DPP6: variants seen among roughly 807,000 people sequenced by gnomAD.
DPP6 encodes dipeptidyl peptidase like 6.
In DPP6, 69 loss-of-function variants were observed where a neutral mutation model predicts 122.6. The ratio of observed to expected loss-of-function variants is 0.56; its 90% confidence interval spans 0.46 to 0.69. The LOEUF (loss-of-function observed/expected upper bound fraction) is 0.69. DPP6 is among the 30% of genes least tolerant of loss of function. The pLI is 0.00. For synonymous variants in DPP6, 418 were observed against 433.1 expected (o/e 0.97, Z 0.43); for missense variants, 928 against 1,116.9 (o/e 0.83, Z 2.41).
intron 21 of DPP6, among the ~76,000 whole-genome samples, chr7:154,881,403 G>A (rs1805377484): frequency 6.6e-6 from 1 of 152,228 alleles, no homozygotes; most frequent in Non-Finnish European, 1.5e-5. Flanking sequence ...GGTGGCCCTT[G>A]TCAGAAGGCT....
intron 3 of DPP6, among the ~76,000 whole-genome samples, chr7:154,497,883 G>A (rs1428076940): frequency 1.3e-5 from 2 of 151,970 alleles, no homozygotes; most frequent in African/African-American, 4.8e-5. Flanking sequence ...CTGACAACTG[G>A]ACTTACCTGT....
At chr7:154,842,347 A>G (rs1049682129) in intron 16 of DPP6, among the ~76,000 whole-genome samples, 1 of 152,246 alleles carries the variant, frequency 6.6e-6, no homozygotes, top group African/African-American at 2.4e-5. Flanking sequence ...AAGGGAGACA[A>G]GCCCTGTCTT....
chr7:154,856,700 G>A (rs1802861555), intron 17 of DPP6, among the ~76,000 whole-genome samples: 1 of 152,154 alleles, frequency 6.6e-6, no homozygotes, highest in South Asian at 2.1e-4. Flanking sequence ...CAGACCATAG[G>A]CCCTAGGTTG....
At chr7:154,514,269 C>G (rs10248495) in intron 3 of DPP6, among the ~76,000 whole-genome samples, 25,232 of 151,844 alleles carry the variant, frequency 0.17, 2,215 homozygotes, top group Non-Finnish European at 0.19. Flanking sequence ...GAGCAAGACT[C>G]CCTCTCAAAA....
intron 5 of DPP6, among the ~76,000 whole-genome samples, chr7:154,621,183 G>T (rs1288194039): frequency 6.6e-6 from 1 of 152,014 alleles, no homozygotes; most frequent in African/African-American, 2.4e-5. Flanking sequence ...TTATTTGATG[G>T]TTTTAGCTTC....
intron 2 of DPP6, among the ~76,000 whole-genome samples, chr7:154,448,167 G>A (rs549606140): frequency 2.0e-5 from 3 of 152,260 alleles, no homozygotes; most frequent in Non-Finnish European, 2.9e-5. Flanking sequence ...ACATAATGTT[G>A]TATATAGAAA....
At chr7:154,806,909 G>A in intron 15 of DPP6, 85 bp from the exon 16 acceptor site, 1 of 1,554,318 alleles carries the variant, frequency 6.4e-7, no homozygotes. Context: ...CACCCTCATG[G>A]GGAGAGCCCA....
intron 21 of DPP6, chr7:154,883,951 G>GGAC (rs1554495823): frequency 7.2e-5 from 9 of 124,208 alleles, no homozygotes; most frequent in Non-Finnish European, 1.6e-4. Flanking sequence ...CATACACGCT[G>GGAC]ACACATGCTC....
At chr7:153,749,725 C>T in the DPP6 span, among the ~76,000 whole-genome samples, 3 of 152,282 alleles carry the variant, frequency 2.0e-5, no homozygotes, top group African/African-American at 7.2e-5. The surrounding 1 kb of genome is among the most constrained non-coding windows in gnomAD (Gnocchi z 4.1). Flanking sequence ...ATGCTCAATA[C>T]GCCTCACCTG....
intron 8 of DPP6, among the ~76,000 whole-genome samples, chr7:154,738,240 C>G (rs1250021471): frequency 2.6e-5 from 4 of 151,886 alleles, no homozygotes; most frequent in East Asian, 1.9e-4. Flanking sequence ...ATCTCCAGGG[C>G]CCCCCCAGCA....
the DPP6 span, among the ~76,000 whole-genome samples, chr7:153,808,315 CTG>C: frequency 2.1e-5 from 3 of 142,584 alleles, no homozygotes; most frequent in South Asian, 2.4e-4. Context: ...ACATGTGTGC[CTG>C]TGTGTGTCTG....
chr7:154,239,673 A>G (rs1705184237), intron 1 of DPP6, among the ~76,000 whole-genome samples: 1 of 152,118 alleles, frequency 6.6e-6, no homozygotes, highest in African/African-American at 2.4e-5. Flanking sequence ...TGGTGAATCA[A>G]AAGTTACACA....
At chr7:154,236,558 T>C (rs1320545762) in intron 1 of DPP6, among the ~76,000 whole-genome samples, 1 of 152,164 alleles carries the variant, frequency 6.6e-6, no homozygotes, top group East Asian at 1.9e-4. Context: ...TCAGTGTAAT[T>C]GTACTTCTAG....
chr7:154,650,518 T>C (rs541454963), intron 6 of DPP6, among the ~76,000 whole-genome samples: 2 of 152,136 alleles, frequency 1.3e-5, no homozygotes, highest in East Asian at 1.9e-4. Context: ...TAAAAGAAGA[T>C]AAGCCATGGT....
intron 11 of DPP6, 61 bp from the exon 12 acceptor site, chr7:154,795,784 C>CAAAAAAA: frequency 6.0e-6 from 7 of 1,176,224 alleles, no homozygotes; most frequent in East Asian, 3.2e-5. Flanking sequence ...ACAATACATG[C>CAAAAAAA]AAAAAAAAAA....
At chr7:154,389,008 G>A (rs1018147405) in intron 1 of DPP6, among the ~76,000 whole-genome samples, 2 of 152,008 alleles carry the variant, frequency 1.3e-5, no homozygotes, top group Non-Finnish European at 2.9e-5. Context: ...TTTTTCTTTC[G>A]AGCAGTAGAC....
chr7:154,434,025 A>G (rs753170461), intron 1 of DPP6, among the ~76,000 whole-genome samples: 1 of 152,240 alleles, frequency 6.6e-6, no homozygotes, highest in Non-Finnish European at 1.5e-5. Context: ...CATTTTACCT[A>G]TAAGAACAAT....
At position 154,863,683 on chromosome 7, in the gene DPP6, T is replaced by C. The variant is rs918576030; in HGVS notation, c.1715-4312T>C. 2.0e-4 allele frequency among the ~76,000 whole-genome samples: 30 copies of C among 151,724 alleles called. 1 individual carries two copies. The highest frequency in any genetic ancestry group is 2.0e-4 in the Admixed American group (3 of 15,254). Reference sequence around the variant, plus strand: ...TACAAAATTTAGCCGGGCATGGTGGTGTATGCCTGTAGTCCCAGCTGCTCA... The same window carrying C: ...TACAAAATTTAGCCGGGCATGGTGGCGTATGCCTGTAGTCCCAGCTGCTCA... On this transcript the variant is annotated intron_variant, in intron 17 of 25. Transcript: ENST00000377770. This position sits in a 1 kb window ranked among gnomAD's most constrained non-coding sequence, Gnocchi z 4.1.
At chr7:154,202,276 A>G (rs1424970701) in intron 1 of DPP6, among the ~76,000 whole-genome samples, 2 of 152,192 alleles carry the variant, frequency 1.3e-5, no homozygotes, top group African/African-American at 4.8e-5. Context: ...ACAGCAATGC[A>G]CACAAAAGGA....
Sources: gnomAD v4.1 joint callset for allele counts (sites outside exome capture counted in the v4.1 genomes callset) on GRCh38, gnomAD v4.1.1 for gene constraint, Gnocchi (gnomAD v3.1) non-coding constraint, MANE v1.5 for transcripts, NCBI Gene and HGNC (gene_info 2026-07-23, HGNC 2026-07-21) for gene names.